GRIK3: variants seen among roughly 807,000 people sequenced by gnomAD.
GRIK3 encodes glutamate ionotropic receptor kainate type subunit 3.
In GRIK3, 29 loss-of-function variants were observed where a neutral mutation model predicts 102.5. The observed-to-expected ratio is 0.28, with a 90% CI of 0.21 to 0.39. The LOEUF is 0.39. Ranked by LOEUF, GRIK3 falls within the 10% of genes least tolerant of loss-of-function variation. The pLI is 1.00. For synonymous variants in GRIK3, 511 were observed against 504.9 expected, an observed-to-expected ratio of 1.01 and a Z score of -0.16; for missense variants, 908 against 1,252.4, an observed-to-expected ratio of 0.73 and a Z score of 4.15.
intron 1 of GRIK3, among the ~76,000 whole-genome samples, chr1:37,025,344 G>A (rs1290105065): frequency 6.6e-6 from 1 of 152,146 alleles, no homozygotes; most frequent in Non-Finnish European, 1.5e-5. Flanking sequence ...TGTTAAAAAG[G>A]CAAGCACTCA....
chr1:36,852,220 C>T (rs551852065), intron 8 of GRIK3, among the ~76,000 whole-genome samples: 39 of 152,256 alleles, frequency 2.6e-4, no homozygotes, highest in Non-Finnish European at 5.0e-4. Flanking sequence ...GGGAGGCTTC[C>T]CCAGCCACCT....
intron 1 of GRIK3, among the ~76,000 whole-genome samples, chr1:36,932,080 T>C (rs2124314680): frequency 6.6e-6 from 1 of 152,284 alleles, no homozygotes; most frequent in East Asian, 1.9e-4. Context: ...TCTATTGTTG[T>C]GGCTTCCTTG....
intron 11 of GRIK3, among the ~76,000 whole-genome samples, chr1:36,824,983 G>A (rs935780646): frequency 4.6e-5 from 7 of 152,160 alleles, no homozygotes; most frequent in East Asian, 1.9e-4. Flanking sequence ...CGAGCACTAG[G>A]TGTTCGCCAA....
chr1:36,995,711 C>T (rs1642412390), intron 1 of GRIK3, among the ~76,000 whole-genome samples: 1 of 152,220 alleles, frequency 6.6e-6, no homozygotes, highest in Admixed American at 6.5e-5. Context: ...TGGTGTGCAG[C>T]CACACTGCCA....
At chr1:36,933,733 T>C (rs910121065) in intron 1 of GRIK3, among the ~76,000 whole-genome samples, 1 of 152,134 alleles carries the variant, frequency 6.6e-6, no homozygotes, top group Non-Finnish European at 1.5e-5. Context: ...AGCAGCAAGG[T>C]ATGATAGAAG....
chr1:36,911,533 C>A (rs757817164), intron 1 of GRIK3, among the ~76,000 whole-genome samples: 1 of 152,066 alleles, frequency 6.6e-6, no homozygotes, highest in Non-Finnish European at 1.5e-5. Context: ...AGAGAAGGGG[C>A]AGATCTGAGC....
intron 1 of GRIK3, among the ~76,000 whole-genome samples, chr1:36,912,555 C>T (rs1641357683): frequency 6.6e-6 from 1 of 152,092 alleles, no homozygotes; most frequent in African/African-American, 2.4e-5. Flanking sequence ...CCCAGATAAA[C>T]TATTTACACC....
chr1:36,943,018 C>A (rs1021489329), intron 1 of GRIK3, among the ~76,000 whole-genome samples: 1 of 152,124 alleles, frequency 6.6e-6, no homozygotes, highest in Non-Finnish European at 1.5e-5. Flanking sequence ...AGTGTTGTAC[C>A]CACTACACAT....
At chr1:37,032,886 T>G (rs1353606525) in intron 1 of GRIK3, among the ~76,000 whole-genome samples, 7 of 152,168 alleles carry the variant, frequency 4.6e-5, no homozygotes, top group African/African-American at 1.7e-4. Context: ...CGGCACCTCT[T>G]TCACGCCGCT....
At chr1:36,956,607 C>T (rs1641909010) in intron 1 of GRIK3, among the ~76,000 whole-genome samples, 1 of 111,814 alleles carries the variant, frequency 8.9e-6, no homozygotes, top group African/African-American at 4.3e-5. Context: ...GCAAGGCTTC[C>T]AAAGAACTGA....
chr1:36,910,538 C>T (rs919523933), intron 1 of GRIK3, among the ~76,000 whole-genome samples: 3 of 152,144 alleles, frequency 2.0e-5, no homozygotes, highest in Admixed American at 6.5e-5. Context: ...GCTTCTCAGG[C>T]ACCTCTGTGC....
At chr1:37,017,369 TAAAAAAAAA>T (rs774819790) in intron 1 of GRIK3, among the ~76,000 whole-genome samples, 8 of 48,534 alleles carry the variant, frequency 1.6e-4, no homozygotes, top group African/African-American at 3.1e-4. Context: ...CCCTGTCTCT[TAAAAAAAAA>T]AAAAAAAAAA....
Position 37,027,959 on chromosome 1 carries a change from G to T in GRIK3, c.115+6035C>A, listed in dbSNP as rs189339668. On this transcript the variant is annotated intron_variant, in intron 1 of 15. Coordinates refer to ENST00000373091, the MANE Select transcript of GRIK3 (RefSeq NM_000831.4). ...CAGGTCCCCATGCCCAACCCACGGT[G>T]TCTGTGACACAGCAACACATGTTCC... Among the ~76,000 whole-genome samples the T allele has an allele frequency of 2.5e-4, 38 of 152,220 alleles. No homozygotes were observed. In the East Asian group the frequency reaches 5.6e-3, roughly 23 times the overall value.
rs571161915 is a variant in GRIK3 at position 36,917,254 on chromosome 1, A to G, written c.116-26158T>C. Among the ~76,000 whole-genome samples the G allele has an allele frequency of 1.4e-4, 21 of 152,312 alleles. No individual in the cohort carries two copies. The East Asian group carries it at 4.0e-3, about 29-fold the overall frequency. On this transcript the variant is annotated intron_variant, in intron 1 of 15. Transcript: ENST00000373091. ...TATCGAATGCCTGTAATGCCATTTT[A>G]TCGAGGAAGTAACTAACTTGTTCTT...
chr1:36,982,524 A>C (rs1277153248), intron 1 of GRIK3, among the ~76,000 whole-genome samples: 1 of 152,234 alleles, frequency 6.6e-6, no homozygotes, highest in Non-Finnish European at 1.5e-5. Context: ...GGGCCAAAAG[A>C]ATAGATGTGC....
chr1:36,811,999 G>T (rs1401768287), intron 13 of GRIK3, among the ~76,000 whole-genome samples: 1 of 152,070 alleles, frequency 6.6e-6, no homozygotes, highest in Admixed American at 6.5e-5. Context: ...GACGACAGGC[G>T]GCATCACACT....
At chr1:36,977,837 A>G (rs1005460495) in intron 1 of GRIK3, among the ~76,000 whole-genome samples, 4 of 152,222 alleles carry the variant, frequency 2.6e-5, no homozygotes, top group Admixed American at 2.0e-4. Context: ...AGTGAAAAGG[A>G]AACAAGCCAA....
intron 1 of GRIK3, among the ~76,000 whole-genome samples, chr1:36,916,630 C>A (rs897715220): frequency 6.6e-6 from 1 of 152,164 alleles, no homozygotes; most frequent in Non-Finnish European, 1.5e-5. Flanking sequence ...ACAAGTTACA[C>A]CTCGGGCTGT....
intron 1 of GRIK3, among the ~76,000 whole-genome samples, chr1:37,000,096 G>C (rs1398838370): frequency 6.6e-6 from 1 of 152,172 alleles, no homozygotes; most frequent in Non-Finnish European, 1.5e-5. Context: ...GGCTCTCTGA[G>C]GCCCAGGAGT....
Sources: allele counts gnomAD v4.1 joint callset (sites outside exome capture counted in the v4.1 genomes callset), GRCh38; gene constraint gnomAD v4.1.1; transcripts MANE v1.5; gene names NCBI Gene and HGNC (gene_info 2026-07-23, HGNC 2026-07-21).